The following PTPRG variants were observed in gnomAD, a reference collection of about 807,000 sequenced individuals.
The protein encoded by PTPRG is receptor-type tyrosine-protein phosphatase gamma.
A neutral mutation model predicts 165.3 loss-of-function variants in PTPRG; 102 were observed. The observed-to-expected ratio is 0.62, with a 90% confidence interval of 0.53 to 0.73. The LOEUF (loss-of-function observed/expected upper bound fraction) is 0.73, where lower values mean the gene tolerates loss of function less well. Among genes scored for constraint, PTPRG ranks in the 30% least tolerant of loss-of-function variants. The pLI is 0.00. For missense variants in PTPRG, 1,866 were observed against 1,861.4 expected (o/e 1.00, Z -0.05); for synonymous variants, 675 against 669.5 (o/e 1.01, Z -0.13).
At chr3:62,145,337 G>C (rs1360607902) in intron 6 of PTPRG, among the ~76,000 whole-genome samples, 1 of 152,084 alleles carries the variant, frequency 6.6e-6, no homozygotes, top group Admixed American at 6.5e-5. Context: ...TAAGCACTCA[G>C]TGATAGCTGT....
At chr3:62,109,326 G>A (rs1421276862) in intron 5 of PTPRG, among the ~76,000 whole-genome samples, 1 of 152,150 alleles carries the variant, frequency 6.6e-6, no homozygotes, top group African/African-American at 2.4e-5. Flanking sequence ...GCTTGTGTGT[G>A]TCAGGTTTGT....
chr3:61,744,614 CAT>C (rs1240250200), intron 1 of PTPRG, among the ~76,000 whole-genome samples: 1 of 152,160 alleles, frequency 6.6e-6, no homozygotes, highest in Non-Finnish European at 1.5e-5. Context: ...GAAATTTTAT[CAT>C]GTGGCACATT....
rs72888657 is a variant in PTPRG, at chr3:61,572,709, T to C, written c.85+10337T>C. On this transcript the variant is annotated intron_variant, in intron 1 of 29. Coordinates refer to ENST00000474889, the MANE Select transcript of PTPRG (RefSeq NM_002841.4). ...GCTTCCCGTGAAAGTGGGGTTACTC[T>C]TGAAAAATAGGAAGGTCTAGCAGCC... Among the ~76,000 whole-genome samples, 711 of 152,242 alleles carry C rather than the reference T, an allele frequency of 4.7e-3. 6 individuals are homozygous for C. The highest frequency in any genetic ancestry group is 0.016 in the African/African-American group (675 of 41,546).
At chr3:61,932,184 G>C (rs947495916) in intron 2 of PTPRG, among the ~76,000 whole-genome samples, 3 of 152,170 alleles carry the variant, frequency 2.0e-5, no homozygotes, top group African/African-American at 4.8e-5. Flanking sequence ...GGACCAACTA[G>C]CTCCTTTCTG....
rs145377924 is a variant in PTPRG, at chr3:62,199,872, G to A, written c.1328-1633G>A. Among the ~76,000 whole-genome samples, 5 of 152,248 alleles carry A rather than the reference G, an allele frequency of 3.3e-5. No homozygotes were observed. The East Asian group carries it at 9.6e-4, about 29-fold the overall frequency. On this transcript the variant is annotated intron_variant, in intron 10 of 29. Coordinates refer to ENST00000474889, the MANE Select transcript of PTPRG (RefSeq NM_002841.4). ...CCTAAGTGTCCATTGACCGATGAAG[G>A]GATAAACAAAATGTGCTATATACAC...
rs139875015 is a variant in PTPRG, at chr3:61,870,299, C to T, written c.191-119326C>T. On this transcript the variant is annotated intron_variant, in intron 2 of 29. Transcript: ENST00000474889. Reference sequence around the variant, plus strand: ...TTCCTGATGCTAATATTTCCATTGTCAACTAGGAAAAATTATTCTTTTTTT... The same window carrying T: ...TTCCTGATGCTAATATTTCCATTGTTAACTAGGAAAAATTATTCTTTTTTT... 5.5e-4 allele frequency among the ~76,000 whole-genome samples: 83 copies of T among 150,226 alleles called. 3 individuals are homozygous for T. Among genetic ancestry groups the T allele is most frequent in the African/African-American group, 1.7e-3 (69 of 40,818 alleles).
intron 1 of PTPRG, among the ~76,000 whole-genome samples, chr3:61,565,906 A>G (rs1699902099): frequency 2.0e-5 from 3 of 152,050 alleles, no homozygotes; most frequent in Admixed American, 6.6e-5. Flanking sequence ...GAAATCAGCA[A>G]TCTTTCTCTT....
intron 2 of PTPRG, among the ~76,000 whole-genome samples, chr3:61,832,870 G>T (rs573332577): frequency 1.3e-5 from 2 of 152,044 alleles, no homozygotes; most frequent in Non-Finnish European, 2.9e-5. Context: ...CCCTTTCCCC[G>T]CTGAGTCCCC....
chr3:62,124,493 A>C (rs1298371842), intron 5 of PTPRG: 2 of 1,603,298 alleles, frequency 1.2e-6, no homozygotes, highest in Non-Finnish European at 1.7e-6. Flanking sequence ...GCAGTCATTC[A>C]TGTTTTACAG....
intron 1 of PTPRG, among the ~76,000 whole-genome samples, chr3:61,616,594 C>T (rs1038964610): frequency 6.6e-6 from 1 of 152,170 alleles, no homozygotes; most frequent in African/African-American, 2.4e-5. Context: ...AAGCCCTTCT[C>T]CCTGCCATAT....
intron 2 of PTPRG, among the ~76,000 whole-genome samples, chr3:61,780,486 C>T (rs2034514556): frequency 1.3e-5 from 2 of 152,152 alleles, no homozygotes. Context: ...TTTTAACATC[C>T]TTGGATTCGT....
In PTPRG at chr3:62,109,444, G is replaced by A. The variant is rs186083784; in HGVS notation, c.616-23158G>A. ...CCAGTACCGTGCTGTTTTGGTTACT[G>A]TAGTCTTGCAGTGTAGTTTGAAGTC... On this transcript the variant is annotated intron_variant, in intron 5 of 29. Transcript: ENST00000474889. Among the ~76,000 whole-genome samples, 37 of 152,288 alleles carry A rather than the reference G, an allele frequency of 2.4e-4. No homozygotes were observed. In the East Asian group the frequency reaches 5.0e-3, roughly 21 times the overall value.
chr3:61,833,140 G>A (rs602906), intron 2 of PTPRG, among the ~76,000 whole-genome samples: 18,767 of 150,496 alleles, frequency 0.12, 3,066 homozygotes, highest in African/African-American at 0.38. Context: ...GCATTACCTC[G>A]TTCTCCTTCT....
chr3:62,092,312 C>T (rs1008997282), intron 5 of PTPRG, among the ~76,000 whole-genome samples: 4 of 151,332 alleles, frequency 2.6e-5, no homozygotes, highest in African/African-American at 9.7e-5. Flanking sequence ...TGGTGGTGGG[C>T]GCCTGTAATC....
intron 5 of PTPRG, among the ~76,000 whole-genome samples, chr3:62,118,988 A>C (rs1320980468): frequency 1.3e-5 from 2 of 152,222 alleles, no homozygotes; most frequent in African/African-American, 4.8e-5. Context: ...TCTTCTAGGA[A>C]GCAAACATCT....
chr3:61,972,788 G>A (rs755779109), intron 2 of PTPRG, among the ~76,000 whole-genome samples: 11 of 151,472 alleles, frequency 7.3e-5, no homozygotes, highest in Non-Finnish European at 1.5e-4. Flanking sequence ...GAGTAGCTGG[G>A]ACCGCTGGCG....
At chr3:61,942,247 G>A (rs974270860) in intron 2 of PTPRG, among the ~76,000 whole-genome samples, 2 of 151,960 alleles carry the variant, frequency 1.3e-5, no homozygotes, top group African/African-American at 4.8e-5. Context: ...TTACCTGGGT[G>A]CTCTCCCAGG....
rs569879134 is a variant in PTPRG at position 61,621,879 on chromosome 3, G to A, written c.85+59507G>A. Reference sequence around the variant, plus strand: ...TTGCTAATGTATGTGGTTCTCTGTAGAATTAAGTAGAGAACACGGGAAATA... The same window carrying A: ...TTGCTAATGTATGTGGTTCTCTGTAAAATTAAGTAGAGAACACGGGAAATA... On this transcript the variant is annotated intron_variant, in intron 1 of 29. Transcript: ENST00000474889. 3.7e-4 allele frequency among the ~76,000 whole-genome samples: 57 copies of A among 152,276 alleles called. 1 individual carries two copies. The South Asian group carries it at 0.012, about 31-fold the overall frequency.
chr3:61,745,100 G>A (rs965257997), intron 1 of PTPRG, among the ~76,000 whole-genome samples: 3 of 138,704 alleles, frequency 2.2e-5, no homozygotes, highest in Non-Finnish European at 3.0e-5. Flanking sequence ...TGCCAGGCTG[G>A]AGTGCAGTGG....
Sources: gnomAD v4.1 joint callset for allele counts (sites outside exome capture counted in the v4.1 genomes callset) on GRCh38, gnomAD v4.1.1 for gene constraint, MANE v1.5 for transcripts, NCBI Gene and HGNC (gene_info 2026-07-23, HGNC 2026-07-21) for gene names.